SLC1A2: variants seen among roughly 807,000 people sequenced by gnomAD.
The protein encoded by SLC1A2 is excitatory amino acid transporter 2.
SLC1A2 carries 15 observed loss-of-function variants against 48.8 expected under a neutral mutation model. The observed-to-expected ratio is 0.31, with a 90% CI of 0.21 to 0.47. SLC1A2 has a LOEUF of 0.47. Among genes scored for constraint, SLC1A2 ranks in the 20% least tolerant of loss-of-function variants. The pLI is 0.99. For missense variants in SLC1A2, 502 were observed against 730.5 expected (o/e 0.69, Z 3.61); for synonymous variants, 279 against 272.6 (o/e 1.02, Z -0.23).
At chr11:35,333,076 C>T (rs78971372) in intron 1 of SLC1A2, among the ~76,000 whole-genome samples, 8,687 of 152,182 alleles carry the variant, frequency 0.057, 373 homozygotes, top group African/African-American at 0.12. Flanking sequence ...ATTCACTCTC[C>T]GAACAGGTCT....
chr11:35,301,795 G>C, intron 5 of SLC1A2, 150 bp from the exon 6 acceptor site: 1 of 721,016 alleles, frequency 1.4e-6, no homozygotes, highest in Non-Finnish European at 2.2e-6. Context: ...CATTATATTT[G>C]ATACTGAATG....
chr11:35,403,698 T>G (rs1855197993), intron 1 of SLC1A2, among the ~76,000 whole-genome samples: 1 of 152,076 alleles, frequency 6.6e-6, no homozygotes, highest in African/African-American at 2.4e-5. Flanking sequence ...AAGATTGTCT[T>G]GAAGGAGAAA....
intron 1 of SLC1A2, among the ~76,000 whole-genome samples, chr11:35,412,835 G>A (rs544245847): frequency 7.0e-4 from 106 of 152,310 alleles, no homozygotes; most frequent in African/African-American, 2.4e-3. Context: ...GACCCATGTG[G>A]TCATGCCCTG....
At chr11:35,328,749 C>A (rs1012468549) in intron 1 of SLC1A2, among the ~76,000 whole-genome samples, 1 of 152,196 alleles carries the variant, frequency 6.6e-6, no homozygotes, top group South Asian at 2.1e-4. Context: ...AGAAAGTTAA[C>A]ACCTAGTCCA....
intron 1 of SLC1A2, among the ~76,000 whole-genome samples, chr11:35,344,300 A>G (rs1369084588): frequency 6.6e-6 from 1 of 152,220 alleles, no homozygotes; most frequent in Non-Finnish European, 1.5e-5. Context: ...GATATTTAAT[A>G]TAAGGTGGTC....
intron 5 of SLC1A2, among the ~76,000 whole-genome samples, chr11:35,302,766 G>A (rs112667594): frequency 0.025 from 3,742 of 151,552 alleles, 76 homozygotes; most frequent in Non-Finnish European, 0.04. Context: ...TCACTCCAAC[G>A]CATCCAGGGA....
intron 1 of SLC1A2, among the ~76,000 whole-genome samples, chr11:35,381,048 CA>C (rs1298559432): frequency 6.6e-6 from 1 of 152,168 alleles, no homozygotes; most frequent in Non-Finnish European, 1.5e-5. Flanking sequence ...ATAAGTTACT[CA>C]ATTATGAGAT....
chr11:35,325,666 T>C (rs1246362734), intron 1 of SLC1A2, among the ~76,000 whole-genome samples: 1 of 152,084 alleles, frequency 6.6e-6, no homozygotes, highest in African/African-American at 2.4e-5. Flanking sequence ...AGTCACGTCC[T>C]GTAAAAAGCA....
upstream of SLC1A2, chr11:35,420,135 ATT>A (rs561948166): frequency 5.3e-3 from 792 of 149,170 alleles, no homozygotes; most frequent in South Asian, 0.027. Context: ...GGAGGCCGGG[ATT>A]TTTTTTTTTT....
intron 1 of SLC1A2, among the ~76,000 whole-genome samples, chr11:35,347,298 T>G (rs1472151275): frequency 2.0e-5 from 3 of 152,232 alleles, no homozygotes; most frequent in Admixed American, 6.5e-5. Context: ...GACACTCCCA[T>G]GAATGGAGTC....
At chr11:35,261,526 C>T (rs747895895) in intron 10 of SLC1A2, 5 of 396,262 alleles carry the variant, frequency 1.3e-5, no homozygotes, top group East Asian at 3.6e-5. Flanking sequence ...CAATGTTTAT[C>T]TAAATTACTT....
At chr11:35,419,779 C>T, upstream of SLC1A2, 2 of 300,340 alleles carry the variant, frequency 6.7e-6, no homozygotes, top group South Asian at 5.5e-5. This position sits in a 1 kb window ranked among gnomAD's most constrained non-coding sequence, Gnocchi z 5.4. Flanking sequence ...GGCCCCAGGT[C>T]ACCCCGTGCG....
chr11:35,417,996 G>A (rs1369457575), intron 1 of SLC1A2, among the ~76,000 whole-genome samples: 2 of 152,198 alleles, frequency 1.3e-5, no homozygotes, highest in African/African-American at 2.4e-5. Flanking sequence ...GTGATCGCTT[G>A]CAAGTGAGTA....
chr11:35,265,436 A>T (rs1950464590), intron 10 of SLC1A2, 91 bp downstream of exon 10: 1 of 705,720 alleles, frequency 1.4e-6, no homozygotes, highest in East Asian at 2.5e-5. Context: ...TGACAATAAT[A>T]CATGCAGGGC....
intron 1 of SLC1A2, among the ~76,000 whole-genome samples, chr11:35,383,660 T>C (rs952037482): frequency 3.7e-4 from 57 of 152,222 alleles, no homozygotes; most frequent in African/African-American, 1.0e-3. Flanking sequence ...ACATGAAGCA[T>C]TTAAAACAAT....
At chr11:35,288,155 C>T (rs961065953) in intron 7 of SLC1A2, among the ~76,000 whole-genome samples, 4 of 152,104 alleles carry the variant, frequency 2.6e-5, no homozygotes, top group South Asian at 2.1e-4. Context: ...CCAGAACCAA[C>T]GAATCAGAAG....
At chr11:35,293,016 AATC>A (rs1380654702) in intron 6 of SLC1A2, among the ~76,000 whole-genome samples, 4 of 151,948 alleles carry the variant, frequency 2.6e-5, no homozygotes, top group African/African-American at 7.3e-5. Context: ...AGAACAAGGA[AATC>A]ATCTGAGCCA....
chr11:35,381,734 G>A (rs145377078), intron 1 of SLC1A2, among the ~76,000 whole-genome samples: 31 of 152,266 alleles, frequency 2.0e-4, no homozygotes, highest in African/African-American at 5.8e-4. Flanking sequence ...GAAGACAGGC[G>A]GGAAATTCCA....
chr11:35,262,341 G>A (rs1276879461), intron 10 of SLC1A2, among the ~76,000 whole-genome samples: 1 of 152,110 alleles, frequency 6.6e-6, no homozygotes, highest in Middle Eastern at 3.2e-3. Flanking sequence ...TTGTTTTTTT[G>A]TTTGTAAATA....
Sources: gnomAD v4.1 joint callset for allele counts (sites outside exome capture counted in the v4.1 genomes callset) on GRCh38, gnomAD v4.1.1 for gene constraint, Gnocchi (gnomAD v3.1) non-coding constraint, MANE v1.5 for transcripts, NCBI Gene and HGNC (gene_info 2026-07-23, HGNC 2026-07-21) for gene names.